TP63: variants seen among roughly 807,000 people sequenced by gnomAD.
The protein encoded by TP63 is tumor protein p63.
TP63 carries 17 observed loss-of-function variants against 82.8 expected under a neutral mutation model. The observed-to-expected ratio is 0.21, with a 90% confidence interval of 0.14 to 0.31. The LOEUF (loss-of-function observed/expected upper bound fraction) is 0.31, where lower values mean the gene tolerates loss of function less well. Ranked by LOEUF, TP63 falls within the 10% of genes least tolerant of loss-of-function variation. The pLI, the probability that TP63 is intolerant of heterozygous loss-of-function variation, is 1.00. For synonymous variants in TP63, 330 were observed against 321.7 expected (o/e 1.03, Z -0.28); for missense variants, 648 against 895.3 (o/e 0.72, Z 3.52).
intron 4 of TP63, among the ~76,000 whole-genome samples, chr3:189,817,723 A>C (rs1728345752): frequency 6.6e-6 from 1 of 152,086 alleles, no homozygotes; most frequent in Admixed American, 6.5e-5. Context: ...TATGGGATGA[A>C]AAAATTACAC....
At chr3:189,846,656 A>T (rs1391780927) in intron 4 of TP63, among the ~76,000 whole-genome samples, 2 of 140,194 alleles carry the variant, frequency 1.4e-5, no homozygotes, top group Non-Finnish European at 3.1e-5. Flanking sequence ...CATCAGAAAG[A>T]TTACCAACAC....
chr3:189,795,659 A>G (rs760227078), intron 3 of TP63, among the ~76,000 whole-genome samples: 16 of 152,052 alleles, frequency 1.1e-4, no homozygotes, highest in Non-Finnish European at 2.1e-4. Context: ...TGTATTTACT[A>G]TTTATGTCAA....
At chr3:189,743,125 A>G (rs1220648094) in intron 3 of TP63, among the ~76,000 whole-genome samples, 1 of 152,204 alleles carries the variant, frequency 6.6e-6, no homozygotes. Context: ...TAAATATTCA[A>G]AATTTAATAA....
At chr3:189,702,974 T>A (rs879910806) in intron 1 of TP63, among the ~76,000 whole-genome samples, 3 of 152,208 alleles carry the variant, frequency 2.0e-5, no homozygotes, top group Non-Finnish European at 4.4e-5. Flanking sequence ...TCATATGTAT[T>A]ATCACATTTA....
chr3:189,889,570 G>A (rs1720810008), intron 12 of TP63, 86 bp downstream of exon 12: 2 of 1,581,064 alleles, frequency 1.3e-6, no homozygotes, highest in African/African-American at 1.3e-5. Context: ...CCATAAAACA[G>A]TTGGAAGGGA....
intron 1 of TP63, among the ~76,000 whole-genome samples, chr3:189,675,797 T>C (rs2108681487): frequency 6.6e-6 from 1 of 152,294 alleles, no homozygotes; most frequent in East Asian, 1.9e-4. Flanking sequence ...ATGTCTGCTG[T>C]TCTCCTAAAT....
intron 3 of TP63, among the ~76,000 whole-genome samples, chr3:189,749,989 C>T (rs1338471340): frequency 4.6e-5 from 7 of 151,714 alleles, no homozygotes; most frequent in Admixed American, 2.0e-4. Context: ...CCAGGCATGG[C>T]GGCAGGCGCC....
chr3:189,797,135 C>T (rs751485836), intron 3 of TP63, among the ~76,000 whole-genome samples: 5 of 152,004 alleles, frequency 3.3e-5, no homozygotes, highest in Non-Finnish European at 4.4e-5. Flanking sequence ...TGCATCTTGT[C>T]TGTATTTCTT....
At chr3:189,767,926 C>T (rs1236735281) in intron 3 of TP63, among the ~76,000 whole-genome samples, 2 of 152,108 alleles carry the variant, frequency 1.3e-5, no homozygotes, top group African/African-American at 4.8e-5. Context: ...TCAGTTTCGT[C>T]ACTTACAATA....
intron 3 of TP63, among the ~76,000 whole-genome samples, chr3:189,751,853 T>C (rs529927094): frequency 7.2e-5 from 11 of 152,336 alleles, no homozygotes; most frequent in African/African-American, 2.6e-4. Flanking sequence ...TTTTGGCTTT[T>C]GTTGCCATTG....
intron 1 of TP63, among the ~76,000 whole-genome samples, chr3:189,682,545 AAAAAAAAAATATAT>A (rs1283248837): frequency 1.0e-3 from 71 of 71,196 alleles, no homozygotes; most frequent in African/African-American, 2.8e-3. Context: ...GGAAAAAAAA[AAAAAAAAAATATAT>A]ATATATATAT....
At position 189,896,969 on chromosome 3, in the gene TP63, C is replaced by G. The variant is rs1028633271; in HGVS notation, c.*2467C>G. 2 of 227,126 alleles carry G rather than the reference C, an allele frequency of 8.8e-6. No individual in the cohort carries two copies. Among genetic ancestry groups the G allele is most frequent in the East Asian group, 1.3e-4 (2 of 15,606 alleles). 14.1% of individuals were successfully genotyped at this position (227,126 alleles called of 1,614,324 possible). A position where few individuals can be genotyped will look rare whatever the true frequency, so the allele number is the denominator to read the frequency against. On this transcript the variant is annotated 3_prime_UTR_variant, in exon 14 of 14. Transcript: ENST00000264731. ...TGGAAAGCAGAGTTTTCATTAAATC[C>G]TTTTACCTTTTTTTTTTCTTGGTAA...
intron 3 of TP63, among the ~76,000 whole-genome samples, chr3:189,762,304 G>C (rs1722641466): frequency 6.6e-6 from 1 of 152,028 alleles, no homozygotes; most frequent in Non-Finnish European, 1.5e-5. Flanking sequence ...TCTGTTATTT[G>C]GTATGTCAGA....
chr3:189,663,632 A>T (rs1714127143), intron 1 of TP63, among the ~76,000 whole-genome samples: 4 of 147,660 alleles, frequency 2.7e-5, no homozygotes, highest in Admixed American at 2.1e-4. Flanking sequence ...GATTAAAGAG[A>T]TCCTCCTGCC....
chr3:189,794,799 C>T (rs1297012355), intron 3 of TP63, among the ~76,000 whole-genome samples: 21 of 151,916 alleles, frequency 1.4e-4, no homozygotes. Flanking sequence ...CTTGAGATTG[C>T]CTAGAAGTAT....
intron 3 of TP63, among the ~76,000 whole-genome samples, chr3:189,778,476 G>C (rs1723990455): frequency 6.6e-6 from 1 of 152,170 alleles, no homozygotes; most frequent in South Asian, 2.1e-4. Context: ...ATGTGAACCA[G>C]TAAACATTTT....
At chr3:189,601,078 G>T in the TP63 span, among the ~76,000 whole-genome samples, 1 of 152,242 alleles carries the variant, frequency 6.6e-6, no homozygotes, top group East Asian at 1.9e-4. Flanking sequence ...TTTCTTTCTA[G>T]AAAGTCATTG....
At chr3:189,755,965 A>C (rs978634132) in intron 3 of TP63, among the ~76,000 whole-genome samples, 7 of 152,188 alleles carry the variant, frequency 4.6e-5, no homozygotes, top group African/African-American at 1.4e-4. Context: ...GACATCTTGA[A>C]GAATGGAGTA....
At chr3:189,657,156 A>T (rs1466933561) in intron 1 of TP63, among the ~76,000 whole-genome samples, 1 of 152,024 alleles carries the variant, frequency 6.6e-6, no homozygotes, top group Admixed American at 6.6e-5. Context: ...TAAGAAAAAG[A>T]TTACATGTTG....
Sources: allele counts gnomAD v4.1 joint callset (sites outside exome capture counted in the v4.1 genomes callset), GRCh38; gene constraint gnomAD v4.1.1; transcripts MANE v1.5; gene names NCBI Gene and HGNC (gene_info 2026-07-23, HGNC 2026-07-21).